The following CAMK1D variants were observed in gnomAD, a reference collection of about 807,000 sequenced individuals.
CAMK1D encodes the protein calcium/calmodulin dependent protein kinase ID, also known as calcium/calmodulin-dependent protein kinase type 1D.
Under a neutral mutation model 47.7 loss-of-function variants are expected in CAMK1D, and 9 were observed. The observed-to-expected ratio is 0.19, with a 90% CI of 0.11 to 0.33. The LOEUF is 0.33. Among genes scored for constraint, CAMK1D ranks in the 10% least tolerant of loss-of-function variants. The probability of loss-of-function intolerance (pLI) is 1.00; values close to 1 mark genes in which losing one functional copy is unlikely to be tolerated. For missense variants in CAMK1D, 291 were observed against 488.7 expected, an observed-to-expected ratio of 0.60 and a Z score of 3.81; for synonymous variants, 184 against 184.9, an observed-to-expected ratio of 0.99 and a Z score of 0.04.
intron 1 of CAMK1D, among the ~76,000 whole-genome samples, chr10:12,360,382 G>C (rs1443429667): frequency 6.6e-6 from 1 of 152,136 alleles, no homozygotes; most frequent in Non-Finnish European, 1.5e-5. Context: ...TTGTAGCTTT[G>C]AAAAATTTGT....
chr10:12,450,166 A>AAAGAAGGAAGGAAGG (rs1833042929), intron 1 of CAMK1D, among the ~76,000 whole-genome samples: 1 of 152,038 alleles, frequency 6.6e-6, no homozygotes, highest in Admixed American at 6.6e-5. Flanking sequence ...GGAAAAAGGG[A>AAAGAAGGAAGGAAGG]AAGAAGGAAG....
chr10:12,468,444 G>A (rs1174011410), intron 1 of CAMK1D, among the ~76,000 whole-genome samples: 3 of 152,222 alleles, frequency 2.0e-5, no homozygotes, highest in East Asian at 1.9e-4. Flanking sequence ...CCACAGGGGC[G>A]GAGGTGGAAC....
intron 2 of CAMK1D, among the ~76,000 whole-genome samples, chr10:12,567,395 C>T (rs781254515): frequency 3.3e-5 from 5 of 152,080 alleles, no homozygotes; most frequent in Non-Finnish European, 5.9e-5. Context: ...TGGGTCATCC[C>T]GAGGGATGGC....
chr10:12,438,831 C>A (rs10082393), intron 1 of CAMK1D, among the ~76,000 whole-genome samples: 3,914 of 152,282 alleles, frequency 0.026, 174 homozygotes, highest in African/African-American at 0.09. Context: ...AGTTAATGGT[C>A]TTGATTTTAG....
chr10:12,675,050 A>G (rs1430021742), intron 3 of CAMK1D, among the ~76,000 whole-genome samples: 2 of 151,214 alleles, frequency 1.3e-5, no homozygotes, highest in African/African-American at 4.9e-5. Flanking sequence ...AAAAAAAAAA[A>G]GAACATTAGT....
At chr10:12,781,761 C>G (rs1837507752) in intron 5 of CAMK1D, among the ~76,000 whole-genome samples, 1 of 151,690 alleles carries the variant, frequency 6.6e-6, no homozygotes, top group Non-Finnish European at 1.5e-5. Context: ...AAGCGATTCT[C>G]CTGCCTCATC....
intron 2 of CAMK1D, among the ~76,000 whole-genome samples, chr10:12,588,539 C>T (rs912880071): frequency 7.2e-5 from 11 of 151,822 alleles, no homozygotes; most frequent in African/African-American, 2.2e-4. Context: ...TTTCTTTTTG[C>T]GAACTGACCT....
chr10:12,668,930 A>C (rs1473596001), intron 3 of CAMK1D, among the ~76,000 whole-genome samples: 2 of 152,102 alleles, frequency 1.3e-5, no homozygotes, highest in Admixed American at 6.6e-5. Flanking sequence ...AAAACAAAAA[A>C]CAAAAAACAA....
Position 12,805,056 on chromosome 10 carries a change from C to G in CAMK1D, c.642-9139C>G, listed in dbSNP as rs556481152. 1.7e-4 allele frequency among the ~76,000 whole-genome samples: 25 copies of G among 151,328 alleles called. No homozygotes were observed. In the South Asian group the frequency reaches 4.6e-3, roughly 28 times the overall value. ...TAGGCGGATCACGAGGTCAGAAGAT[C>G]GAGACCATCCTGGCCAACATGGTGA... On this transcript the variant is annotated intron_variant, in intron 6 of 10. Coordinates refer to ENST00000619168, the MANE Select transcript of CAMK1D (RefSeq NM_153498.4).
intron 1 of CAMK1D, among the ~76,000 whole-genome samples, chr10:12,453,031 C>T (rs770995918): frequency 1.3e-5 from 2 of 152,110 alleles, no homozygotes; most frequent in Non-Finnish European, 2.9e-5. Context: ...AGTCTACGGC[C>T]AGCCCCATTC....
intron 8 of CAMK1D, among the ~76,000 whole-genome samples, chr10:12,821,233 T>A (rs964186808): frequency 2.0e-5 from 3 of 152,228 alleles, no homozygotes; most frequent in Non-Finnish European, 4.4e-5. Context: ...TGGACTCTAG[T>A]CGGTTTGACT....
chr10:12,583,783 T>G (rs1340361806), intron 2 of CAMK1D, among the ~76,000 whole-genome samples: 1 of 151,980 alleles, frequency 6.6e-6, no homozygotes, highest in African/African-American at 2.4e-5. Context: ...GTATTTTTAG[T>G]AGAGATGGGG....
At chr10:12,526,428 C>T (rs949718423) in intron 1 of CAMK1D, among the ~76,000 whole-genome samples, 1 of 152,146 alleles carries the variant, frequency 6.6e-6, no homozygotes, top group Admixed American at 6.5e-5. Flanking sequence ...TTTATAGGAT[C>T]TCTTTTTTTC....
intron 3 of CAMK1D, among the ~76,000 whole-genome samples, chr10:12,683,502 C>T (rs922287344): frequency 5.3e-5 from 8 of 151,942 alleles, no homozygotes; most frequent in Non-Finnish European, 8.8e-5. Context: ...CAAGATGGAC[C>T]GATGGATAAT....
chr10:12,722,983 AATTTG>A (rs1259542546), intron 3 of CAMK1D, among the ~76,000 whole-genome samples: 2 of 152,132 alleles, frequency 1.3e-5, no homozygotes, highest in African/African-American at 4.8e-5. Context: ...TGTGGGCTGG[AATTTG>A]AGTGTAGATG....
rs1377395163 is a variant in CAMK1D at position 12,428,007 on chromosome 10, C to T, written c.92+78097C>T. Among the ~76,000 whole-genome samples the T allele has an allele frequency of 2.6e-5, 4 of 151,796 alleles. No individual in the cohort carries two copies. In the East Asian group the frequency reaches 7.7e-4, roughly 29 times the overall value. ...AGGTATGAGCCACTGTGCCCAGCCG[C>T]TCTTTATTTTTAAATTAATTAATTA... On this transcript the variant is annotated intron_variant, in intron 1 of 10. Coordinates refer to ENST00000619168, the MANE Select transcript of CAMK1D (RefSeq NM_153498.4).
chr10:12,435,082 G>A (rs1377058906), intron 1 of CAMK1D, among the ~76,000 whole-genome samples: 1 of 152,130 alleles, frequency 6.6e-6, no homozygotes, highest in African/African-American at 2.4e-5. Context: ...GCTAGGTGTG[G>A]TGGTGGTGTG....
chr10:12,431,933 C>T (rs370595054), intron 1 of CAMK1D, among the ~76,000 whole-genome samples: 7 of 152,216 alleles, frequency 4.6e-5, no homozygotes, highest in African/African-American at 9.7e-5. Context: ...TTTGGCCATG[C>T]GGCAGGGTCT....
intron 2 of CAMK1D, among the ~76,000 whole-genome samples, chr10:12,553,691 G>A (rs923149282): frequency 5.3e-5 from 8 of 152,192 alleles, no homozygotes; most frequent in Non-Finnish European, 8.8e-5. Context: ...AGTTACCGGC[G>A]TCTCCCTGGC....
Sources: allele counts gnomAD v4.1 joint callset (sites outside exome capture counted in the v4.1 genomes callset), GRCh38; gene constraint gnomAD v4.1.1; transcripts MANE v1.5; gene names NCBI Gene and HGNC (gene_info 2026-07-23, HGNC 2026-07-21).